The following MBOAT1 variants were observed in gnomAD, a reference collection of about 807,000 sequenced individuals.
MBOAT1 encodes membrane bound glycerophospholipid O-acyltransferase 1.
A neutral mutation model predicts 64.4 loss-of-function variants in MBOAT1; 67 were observed. The observed-to-expected ratio is 1.04, with a 90% CI of 0.85 to 1.27. The LOEUF (loss-of-function observed/expected upper bound fraction) is 1.27, where lower values mean the gene tolerates loss of function less well. MBOAT1 is among the 50% of genes most tolerant of loss of function. The probability of loss-of-function intolerance (pLI) is 0.00; values close to 1 mark genes in which losing one functional copy is unlikely to be tolerated. For missense variants in MBOAT1, 563 were observed against 604.6 expected, an observed-to-expected ratio of 0.93 and a Z score of 0.72; for synonymous variants, 229 against 218.9, an observed-to-expected ratio of 1.05 and a Z score of -0.41.
chr6:20,134,408 A>G (rs1243242349), intron 4 of MBOAT1, among the ~76,000 whole-genome samples: 2 of 152,176 alleles, frequency 1.3e-5, no homozygotes, highest in East Asian at 1.9e-4. Flanking sequence ...TATGGGTAAA[A>G]TGTTGTCCCA....
chr6:20,180,416 C>T (rs572946387), intron 1 of MBOAT1, among the ~76,000 whole-genome samples: 29 of 152,196 alleles, frequency 1.9e-4, no homozygotes, highest in Non-Finnish European at 2.1e-4. Context: ...TTTCCCCTCC[C>T]TCAGCCCTGC....
At chr6:20,192,682 A>G (rs1762834881) in intron 1 of MBOAT1, among the ~76,000 whole-genome samples, 2 of 152,232 alleles carry the variant, frequency 1.3e-5, no homozygotes, top group Non-Finnish European at 2.9e-5. Flanking sequence ...TAAAGAGCGC[A>G]CTAAAACCTT....
intron 1 of MBOAT1, among the ~76,000 whole-genome samples, chr6:20,189,527 A>C (rs1762745151): frequency 6.6e-6 from 1 of 152,158 alleles, no homozygotes; most frequent in Non-Finnish European, 1.5e-5. Context: ...CAGCTTCCCA[A>C]ATAGCTGGGA....
chr6:20,106,704 G>T (rs548727597), intron 12 of MBOAT1, among the ~76,000 whole-genome samples: 5 of 152,176 alleles, frequency 3.3e-5, no homozygotes, highest in Non-Finnish European at 7.3e-5. Context: ...TTACAGGCAT[G>T]AGCCACCGCG....
At chr6:20,141,864 G>C (rs2113677401) in intron 4 of MBOAT1, among the ~76,000 whole-genome samples, 1 of 152,232 alleles carries the variant, frequency 6.6e-6, no homozygotes, top group Non-Finnish European at 1.5e-5. Context: ...AGAGGACCTG[G>C]TGACACAAGG....
intron 10 of MBOAT1, among the ~76,000 whole-genome samples, 194 bp downstream of exon 10, chr6:20,115,093 TA>T (rs1344053138): frequency 6.6e-6 from 1 of 152,118 alleles, no homozygotes; most frequent in Non-Finnish European, 1.5e-5. Context: ...TTCAGGGATA[TA>T]AAATAAATAT....
intron 1 of MBOAT1, among the ~76,000 whole-genome samples, chr6:20,160,884 G>A (rs1049387381): frequency 2.0e-5 from 3 of 152,246 alleles, no homozygotes; most frequent in East Asian, 1.9e-4. Flanking sequence ...AATCTCTAAA[G>A]AGCCTTCTTT....
chr6:20,124,164 T>C lies in MBOAT1; in HGVS notation c.907+244A>G, dbSNP rs866659501. On this transcript the variant is annotated intron_variant, in intron 8 of 12. Coordinates refer to ENST00000324607, the MANE Select transcript of MBOAT1 (RefSeq NM_001080480.3). The stretch of plus-strand genomic sequence containing the variant: ...AAGGAGAAGCTTCCAAGTTTTGACA[T>C]CTGCTAATAACATTGGGTTTAAACA... Among the ~76,000 whole-genome samples the C allele has an allele frequency of 4.6e-5, 7 of 152,318 alleles. No individual in the cohort carries two copies. The South Asian group carries it at 1.4e-3, about 32-fold the overall frequency.
At chr6:20,205,450 T>C (rs921017431) in intron 1 of MBOAT1, among the ~76,000 whole-genome samples, 2 of 152,168 alleles carry the variant, frequency 1.3e-5, no homozygotes, top group South Asian at 4.1e-4. Context: ...CAGGACACAC[T>C]AGGCCTTTGC....
intron 4 of MBOAT1, among the ~76,000 whole-genome samples, chr6:20,134,871 C>G (rs141025623): frequency 1.4e-5 from 2 of 145,444 alleles, no homozygotes; most frequent in African/African-American, 5.1e-5. Flanking sequence ...ATTCAGAACA[C>G]ATTTATTGGT....
intron 1 of MBOAT1, among the ~76,000 whole-genome samples, chr6:20,154,980 TATA>T (rs1326315238): frequency 6.6e-6 from 1 of 152,202 alleles, no homozygotes; most frequent in African/African-American, 2.4e-5. Context: ...GTCCAAAAGT[TATA>T]ATAAGTGACA....
chr6:20,182,674 C>A (rs1052137997), intron 1 of MBOAT1, among the ~76,000 whole-genome samples: 1 of 152,180 alleles, frequency 6.6e-6, no homozygotes, highest in Admixed American at 6.5e-5. Flanking sequence ...CTTCCTCCTG[C>A]CCCCAGTGAG....
rs781762385 is a variant in MBOAT1 at position 20,152,628 on chromosome 6, C to T, written c.241G>A (p.Gly81Ser). ...FGIYFVIFCFGWYSVHLFVLV... is the reference protein window; with the variant it reads ...FGIYFVIFCFSWYSVHLFVLV... Reference sequence around the variant, plus strand: ...ATATATGAGGCTCATACTCACCAGCCGAAACAAAAGATGACAAAATAGATG... The same window carrying T: ...ATATATGAGGCTCATACTCACCAGCTGAAACAAAAGATGACAAAATAGATG... The change falls in exon 2 of 13, where the codon GGC (glycine) becomes AGC (serine). Residue 81 changes from glycine (G) to serine (S), a missense_variant. Gly to Ser is a moderately conservative substitution (Grantham distance 56). Coordinates refer to ENST00000324607, the MANE Select transcript of MBOAT1 (RefSeq NM_001080480.3). The T allele has an allele frequency of 3.1e-6, 5 of 1,608,370 alleles. No homozygotes were observed. The East Asian group carries it at 9.0e-5, about 29-fold the overall frequency.
At chr6:20,173,138 G>T (rs1762247740) in intron 1 of MBOAT1, among the ~76,000 whole-genome samples, 1 of 152,184 alleles carries the variant, frequency 6.6e-6, no homozygotes, top group African/African-American at 2.4e-5. Context: ...CCCAGAAGCT[G>T]ATGCGGCCAT....
chr6:20,124,035 C>T (rs1001699017), intron 8 of MBOAT1, among the ~76,000 whole-genome samples: 14 of 152,070 alleles, frequency 9.2e-5, no homozygotes, highest in African/African-American at 2.2e-4. Flanking sequence ...CCAGCCTGGG[C>T]GACAGAGTGA....
chr6:20,154,056 T>C (rs1031536581), intron 1 of MBOAT1, among the ~76,000 whole-genome samples: 7 of 152,258 alleles, frequency 4.6e-5, no homozygotes, highest in Admixed American at 1.3e-4. Context: ...TCAGCATCAG[T>C]ATTTCATGCT....
chr6:20,122,123 C>T (rs1384047241), intron 8 of MBOAT1, among the ~76,000 whole-genome samples: 1 of 152,062 alleles, frequency 6.6e-6, no homozygotes, highest in Non-Finnish European at 1.5e-5. Flanking sequence ...CGAGACCGCA[C>T]CATTGCACTC....
intron 10 of MBOAT1, among the ~76,000 whole-genome samples, chr6:20,114,038 T>C (rs764839437): frequency 5.9e-5 from 9 of 152,176 alleles, no homozygotes; most frequent in Non-Finnish European, 1.3e-4. Flanking sequence ...ACACTGGGAG[T>C]ACTCAGTGTA....
Position 20,131,282 on chromosome 6 carries a change from T to C in MBOAT1, c.420-83A>G. The C allele has an allele frequency of 4.2e-6, 5 of 1,197,974 alleles. No homozygotes were observed. The Middle Eastern group carries it at 8.6e-4, about 205-fold the overall frequency. The allele number at this position is 1,197,974 out of a possible 1,614,324, so 74.2% of individuals were successfully genotyped here. On this transcript the variant is annotated intron_variant, in intron 4 of 12. Coordinates refer to ENST00000324607, the MANE Select transcript of MBOAT1 (RefSeq NM_001080480.3). Reference sequence around the variant, plus strand: ...CTGTGCCCCCACCCAAATCTCATCTTGAATTGTAGTTCCCATAATCCCCAC... The same window carrying C: ...CTGTGCCCCCACCCAAATCTCATCTCGAATTGTAGTTCCCATAATCCCCAC...
Sources: allele counts gnomAD v4.1 joint callset (sites outside exome capture counted in the v4.1 genomes callset), GRCh38; gene constraint gnomAD v4.1.1; transcripts MANE v1.5; gene names NCBI Gene and HGNC (gene_info 2026-07-23, HGNC 2026-07-21).